NAALADL2: variants seen among roughly 807,000 people sequenced by gnomAD.
NAALADL2 encodes inactive N-acetylated-alpha-linked acidic dipeptidase-like protein 2.
A neutral mutation model predicts 87.2 loss-of-function variants in NAALADL2; 76 were observed. The ratio of observed to expected loss-of-function variants is 0.87; its 90% CI spans 0.72 to 1.05. The LOEUF (loss-of-function observed/expected upper bound fraction) is 1.05. Among genes scored for constraint, NAALADL2 ranks in the 50% least tolerant of loss-of-function variants. The pLI is 0.00. For synonymous variants in NAALADL2, 354 were observed against 331.0 expected (o/e 1.07, Z -0.75); for missense variants, 1,089 against 945.8 (o/e 1.15, Z -1.99).
intron 2 of NAALADL2, among the ~76,000 whole-genome samples, chr3:174,628,067 A>T (rs1721745680): frequency 6.6e-6 from 1 of 152,226 alleles, no homozygotes; most frequent in South Asian, 2.1e-4. Context: ...ACACAAGTGT[A>T]TTTGTACCCC....
intron 2 of NAALADL2, among the ~76,000 whole-genome samples, chr3:174,649,743 T>A (rs1724164946): frequency 6.6e-6 from 1 of 152,204 alleles, no homozygotes; most frequent in South Asian, 2.1e-4. Flanking sequence ...ATGAATGGAA[T>A]ATAACCTAGC....
At chr3:174,840,869 A>G (rs1723948711) in intron 3 of NAALADL2, among the ~76,000 whole-genome samples, 1 of 152,118 alleles carries the variant, frequency 6.6e-6, no homozygotes, top group Admixed American at 6.6e-5. Context: ...TTAATCCTTC[A>G]TCTTTTCTTT....
intron 9 of NAALADL2, among the ~76,000 whole-genome samples, chr3:175,551,148 T>G (rs1386067654): frequency 1.3e-5 from 2 of 151,948 alleles, no homozygotes; most frequent in Admixed American, 6.6e-5. Flanking sequence ...TTGAGGTGAT[T>G]GTGAATTTGG....
At chr3:174,604,611 T>C (rs1274136355) in intron 2 of NAALADL2, among the ~76,000 whole-genome samples, 1 of 143,570 alleles carries the variant, frequency 7.0e-6, no homozygotes, top group Non-Finnish European at 1.6e-5. Flanking sequence ...GTCATTTTGT[T>C]ATTCATTTTC....
At chr3:174,825,281 T>A (rs1721856647) in intron 3 of NAALADL2, among the ~76,000 whole-genome samples, 1 of 151,466 alleles carries the variant, frequency 6.6e-6, no homozygotes, top group Admixed American at 6.6e-5. Context: ...AGACATAGAG[T>A]AATTCCCAGT....
chr3:175,190,450 G>A (rs374892485), intron 2 of NAALADL2, among the ~76,000 whole-genome samples: 2 of 152,114 alleles, frequency 1.3e-5, no homozygotes, highest in Non-Finnish European at 2.9e-5. Flanking sequence ...AAGGTGCTTA[G>A]CATCATTAAT....
At chr3:175,721,834 G>A (rs1034792390) in intron 11 of NAALADL2, among the ~76,000 whole-genome samples, 3 of 151,980 alleles carry the variant, frequency 2.0e-5, no homozygotes, top group Non-Finnish European at 2.9e-5. Context: ...GAGAAGGACC[G>A]TGAGCTACTC....
intron 2 of NAALADL2, among the ~76,000 whole-genome samples, chr3:175,109,061 A>C (rs1490017484): frequency 6.6e-6 from 1 of 151,878 alleles, no homozygotes; most frequent in East Asian, 1.9e-4. Flanking sequence ...AATTCCTATA[A>C]GATCTGTTTT....
At chr3:175,270,488 C>T (rs1227899698) in intron 4 of NAALADL2, among the ~76,000 whole-genome samples, 1 of 152,156 alleles carries the variant, frequency 6.6e-6, no homozygotes, top group Non-Finnish European at 1.5e-5. Context: ...CAAAAGAATG[C>T]TGAATGTGAA....
Position 175,433,979 on chromosome 3 carries a change from G to A in NAALADL2, c.1091-13250G>A, listed in dbSNP as rs189112310. Among the ~76,000 whole-genome samples, 564 of 151,998 alleles carry A rather than the reference G, an allele frequency of 3.7e-3. 6 individuals carry two copies. The highest frequency in any genetic ancestry group is 0.013 in the African/African-American group (548 of 41,504). On this transcript the variant is annotated intron_variant, in intron 5 of 13. Transcript: ENST00000454872. ...AGAATACCAATATTTTTTCTTCCAA[G>A]TGTATCTTCTCTCACTATATACCAT...
chr3:175,098,893 G>GT (rs11301769), intron 2 of NAALADL2, among the ~76,000 whole-genome samples: 5,475 of 144,386 alleles, frequency 0.038, 120 homozygotes, highest in African/African-American at 0.062. Context: ...ACAATTATGT[G>GT]TTTTTTTTTT....
intron 11 of NAALADL2, among the ~76,000 whole-genome samples, chr3:175,662,136 A>AT (rs1185726016): frequency 6.6e-6 from 1 of 151,600 alleles, no homozygotes; most frequent in African/African-American, 2.4e-5. Context: ...ATCTCTTTCC[A>AT]TTTTTTTGTG....
At chr3:175,217,547 T>C (rs1440569791) in intron 2 of NAALADL2, among the ~76,000 whole-genome samples, 3 of 152,178 alleles carry the variant, frequency 2.0e-5, no homozygotes, top group Admixed American at 1.3e-4. Context: ...CCACGAGAAG[T>C]AATACTAAAG....
At chr3:175,487,557 C>A (rs1465222213) in intron 9 of NAALADL2, 1 of 456,436 alleles carries the variant, frequency 2.2e-6, no homozygotes, top group South Asian at 1.5e-5. Context: ...GATGATTAGT[C>A]CTCAGTATAT....
At chr3:174,506,804 A>C (rs1402987859) in intron 1 of NAALADL2, among the ~76,000 whole-genome samples, 1 of 152,064 alleles carries the variant, frequency 6.6e-6, no homozygotes, top group Non-Finnish European at 1.5e-5. Context: ...CGTTGAATAC[A>C]TTTTGAAATT....
At chr3:175,568,958 A>G (rs934399305) in intron 9 of NAALADL2, among the ~76,000 whole-genome samples, 3 of 152,236 alleles carry the variant, frequency 2.0e-5, no homozygotes, top group Non-Finnish European at 2.9e-5. Context: ...TTGCAAAGTT[A>G]CAAGTACTAC....
chr3:174,972,745 C>G (rs1014886430), intron 1 of NAALADL2, among the ~76,000 whole-genome samples: 8 of 152,006 alleles, frequency 5.3e-5, no homozygotes, highest in Non-Finnish European at 1.2e-4. Context: ...CCTGTTATCC[C>G]AACACTTTGG....
intron 1 of NAALADL2, among the ~76,000 whole-genome samples, chr3:174,953,537 A>G (rs1740723172): frequency 6.6e-6 from 1 of 151,822 alleles, no homozygotes; most frequent in Non-Finnish European, 1.5e-5. Flanking sequence ...GATGGAAGTC[A>G]TTGTTGCCTC....
intron 2 of NAALADL2, among the ~76,000 whole-genome samples, chr3:175,120,192 A>T (rs894325319): frequency 1.3e-5 from 2 of 151,584 alleles, no homozygotes; most frequent in Admixed American, 1.3e-4. Context: ...ATCAGATAAT[A>T]CTTGTGTTTC....
Sources: gnomAD v4.1 joint callset for allele counts (sites outside exome capture counted in the v4.1 genomes callset) on GRCh38, gnomAD v4.1.1 for gene constraint, MANE v1.5 for transcripts, NCBI Gene and HGNC (gene_info 2026-07-23, HGNC 2026-07-21) for gene names.